The following PTPRM variants were observed in gnomAD, a reference collection of about 807,000 sequenced individuals.
PTPRM encodes the protein receptor-type tyrosine-protein phosphatase mu.
PTPRM carries 47 observed loss-of-function variants against 186.7 expected under a neutral mutation model. That is an observed-to-expected ratio of 0.25 (90% CI 0.20 to 0.32). The LOEUF (loss-of-function observed/expected upper bound fraction) is 0.32, where lower values mean the gene tolerates loss of function less well. Among genes scored for constraint, PTPRM ranks in the 10% least tolerant of loss-of-function variants. The probability of loss-of-function intolerance (pLI) is 1.00; values close to 1 mark genes in which losing one functional copy is unlikely to be tolerated. For synonymous variants in PTPRM, 668 were observed against 674.9 expected (o/e 0.99, Z 0.16); for missense variants, 1,494 against 1,865.0 (o/e 0.80, Z 3.66).
chr18:8,204,485 A>T (rs1385661607), intron 14 of PTPRM, among the ~76,000 whole-genome samples: 9 of 152,058 alleles, frequency 5.9e-5, no homozygotes, highest in Non-Finnish European at 7.4e-5. Context: ...CTTAGAAAAC[A>T]CCAAAAGAGG....
chr18:8,191,019 A>T (rs1413221657), intron 14 of PTPRM, among the ~76,000 whole-genome samples: 1 of 152,148 alleles, frequency 6.6e-6, no homozygotes, highest in Non-Finnish European at 1.5e-5. Flanking sequence ...CACAGCTGGG[A>T]AATTGGGTGA....
intron 11 of PTPRM, among the ~76,000 whole-genome samples, chr18:8,094,374 A>T (rs2090911387): frequency 6.6e-6 from 1 of 151,986 alleles, no homozygotes; most frequent in African/African-American, 2.4e-5. Context: ...CTCAAAAAAA[A>T]AAAAGATATA....
At chr18:7,812,967 T>C (rs1317035791) in intron 2 of PTPRM, among the ~76,000 whole-genome samples, 1 of 152,230 alleles carries the variant, frequency 6.6e-6, no homozygotes, top group Non-Finnish European at 1.5e-5. Flanking sequence ...AAACCTGACA[T>C]GGCTTCTTTG....
chr18:8,271,993 C>T (rs544498840), intron 19 of PTPRM, among the ~76,000 whole-genome samples: 1 of 152,122 alleles, frequency 6.6e-6, no homozygotes, highest in Non-Finnish European at 1.5e-5. Context: ...AGGCGGATCA[C>T]CTGAGGTCAG....
intron 19 of PTPRM, among the ~76,000 whole-genome samples, chr18:8,278,237 G>A (rs1304730634): frequency 6.6e-6 from 1 of 152,186 alleles, no homozygotes; most frequent in Non-Finnish European, 1.5e-5. Context: ...TTTATTTGGG[G>A]AGCAATGCAA....
intron 14 of PTPRM, among the ~76,000 whole-genome samples, chr18:8,200,897 C>A (rs1417083579): frequency 6.6e-6 from 1 of 152,062 alleles, no homozygotes; most frequent in East Asian, 1.9e-4. Flanking sequence ...TACATAACTG[C>A]AATACATAAA....
rs377442029 is a variant in PTPRM at position 8,406,169 on chromosome 18, A to G, written c.*7A>G. ...ATACTTGAATTCTGGCTGATGGTGT[A>G]AACAGCTCTGCAAACAATCCCTTTC... On this transcript the variant is annotated 3_prime_UTR_variant, in exon 33 of 33. Coordinates refer to ENST00000580170, the MANE Select transcript of PTPRM (RefSeq NM_001105244.2). 1 of 1,613,204 alleles carries G rather than the reference A, an allele frequency of 6.2e-7. No homozygotes were observed. Among genetic ancestry groups the G allele is most frequent in the Non-Finnish European group, 8.5e-7 (1 of 1,179,332 alleles).
At chr18:8,364,335 G>T (rs1052414086) in intron 23 of PTPRM, among the ~76,000 whole-genome samples, 1 of 152,124 alleles carries the variant, frequency 6.6e-6, no homozygotes, top group Non-Finnish European at 1.5e-5. Context: ...GTCACCTGCC[G>T]CATGAGAAGA....
intron 14 of PTPRM, among the ~76,000 whole-genome samples, chr18:8,231,654 A>G (rs1466917028): frequency 2.0e-5 from 3 of 152,218 alleles, no homozygotes; most frequent in African/African-American, 4.8e-5. Context: ...TATAATAACC[A>G]TTCCTTTAAT....
chr18:8,346,921 G>T (rs1439045141), intron 23 of PTPRM, among the ~76,000 whole-genome samples: 1 of 152,180 alleles, frequency 6.6e-6, no homozygotes, highest in Non-Finnish European at 1.5e-5. Context: ...CCAGCAAGGT[G>T]AATAAAGAGA....
chr18:8,155,737 C>T (rs1402336026), intron 14 of PTPRM, among the ~76,000 whole-genome samples: 3 of 152,240 alleles, frequency 2.0e-5, no homozygotes, highest in Non-Finnish European at 2.9e-5. Flanking sequence ...AGCATGCAGC[C>T]GGAGGCAAGT....
At chr18:8,319,957 G>T (rs567919367) in intron 22 of PTPRM, among the ~76,000 whole-genome samples, 21 of 152,236 alleles carry the variant, frequency 1.4e-4, no homozygotes, top group Middle Eastern at 3.4e-3. Flanking sequence ...TATGAAGTGG[G>T]TCATCTGCAG....
At chr18:8,076,803 T>C (rs867654633) in intron 9 of PTPRM, among the ~76,000 whole-genome samples, 1 of 152,158 alleles carries the variant, frequency 6.6e-6, no homozygotes, top group African/African-American at 2.4e-5. Flanking sequence ...TGTTATTATA[T>C]GTTAAGACAC....
At chr18:8,375,199 C>A (rs968185835) in intron 24 of PTPRM, among the ~76,000 whole-genome samples, 12 of 152,186 alleles carry the variant, frequency 7.9e-5, no homozygotes, top group African/African-American at 2.9e-4. Flanking sequence ...TTCTTTCTGC[C>A]TTCACTACAG....
chr18:7,974,565 G>A (rs1162104872), intron 7 of PTPRM, among the ~76,000 whole-genome samples: 3 of 152,170 alleles, frequency 2.0e-5, no homozygotes, highest in Admixed American at 1.3e-4. Context: ...GCATTAATGG[G>A]AAATCCATAG....
intron 7 of PTPRM, among the ~76,000 whole-genome samples, chr18:8,028,004 C>CT (rs1274083083): frequency 3.3e-5 from 5 of 151,514 alleles, no homozygotes; most frequent in Admixed American, 6.6e-5. Context: ...TTGTTTCTTT[C>CT]TTTTTTTTGT....
chr18:7,899,194 G>A (rs1171604765), intron 3 of PTPRM, among the ~76,000 whole-genome samples: 1 of 152,156 alleles, frequency 6.6e-6, no homozygotes, highest in Non-Finnish European at 1.5e-5. Context: ...GCACAAAAAT[G>A]GAAAAGCATG....
intron 1 of PTPRM, among the ~76,000 whole-genome samples, chr18:7,592,603 A>G (rs2037155735): frequency 6.6e-6 from 1 of 152,322 alleles, no homozygotes; most frequent in East Asian, 1.9e-4. Flanking sequence ...GAAACATAAG[A>G]GGAAGAGGCT....
At position 8,191,172 on chromosome 18, in the gene PTPRM, C is replaced by T. The variant is rs77004250; in HGVS notation, c.2300+47393C>T. On this transcript the variant is annotated intron_variant, in intron 14 of 32. Transcript: ENST00000580170. ...AGTCACACAGAGCCTGTTTTATGGG[C>T]TTGCCCAGCCAGCCAAGGATACTCA... Among the ~76,000 whole-genome samples the T allele has an allele frequency of 1.7e-3, 259 of 152,288 alleles. 3 individuals are homozygous for T. The East Asian group carries it at 0.041, about 24-fold the overall frequency.
Sources: allele counts gnomAD v4.1 joint callset (sites outside exome capture counted in the v4.1 genomes callset), GRCh38; gene constraint gnomAD v4.1.1; transcripts MANE v1.5; gene names NCBI Gene and HGNC (gene_info 2026-07-23, HGNC 2026-07-21).